The following CAGE1 variants were observed in gnomAD, a reference collection of about 807,000 sequenced individuals.
The protein encoded by CAGE1 is cancer antigen 1.
CAGE1 carries 66 observed loss-of-function variants against 94.9 expected under a neutral mutation model. The ratio of observed to expected loss-of-function variants is 0.70; its 90% confidence interval spans 0.57 to 0.85. The LOEUF (loss-of-function observed/expected upper bound fraction) is 0.85, where lower values mean the gene tolerates loss of function less well. CAGE1 is among the 40% of genes least tolerant of loss of function. The probability of loss-of-function intolerance (pLI) is 0.00; values close to 1 mark genes in which losing one functional copy is unlikely to be tolerated. For synonymous variants in CAGE1, 319 were observed against 321.0 expected, an observed-to-expected ratio of 0.99 and a Z score of 0.07; for missense variants, 865 against 950.4, an observed-to-expected ratio of 0.91 and a Z score of 1.18.
At chr6:7,361,288 A>C (rs1475843948) in intron 9 of CAGE1, among the ~76,000 whole-genome samples, 1 of 152,198 alleles carries the variant, frequency 6.6e-6, no homozygotes, top group Non-Finnish European at 1.5e-5. Flanking sequence ...GATTGTTGAG[A>C]GTCTAACACC....
chr6:7,348,893 C>A (rs1280382870), intron 11 of CAGE1, among the ~76,000 whole-genome samples: 4 of 152,260 alleles, frequency 2.6e-5, no homozygotes, highest in Non-Finnish European at 5.9e-5. Flanking sequence ...ATGAACAAAG[C>A]CTCCAAGAAG....
In CAGE1 at chr6:7,373,161, C is replaced by T; in HGVS notation, c.1658G>A (p.Arg553Lys). The change falls in exon 5 of 14, where the codon AGG becomes AAG. Residue 553 changes from arginine to lysine, a missense_variant. Coordinates refer to ENST00000502583, the MANE Select transcript of CAGE1 (RefSeq NM_001170692.2). ...AGGGACATAATTTTGCTCTTCACTC[C>T]TTGCAACCTGCTGTTTAAGTTTTGC... is the stretch of plus-strand genomic sequence containing the variant. ...ENAKLKQQVA[R>K]SEEQNYVPKF... 1 of 1,613,850 alleles carries T rather than the reference C, an allele frequency of 6.2e-7. No individual in the cohort carries two copies. Among genetic ancestry groups the T allele is most frequent in the Non-Finnish European group, 8.5e-7 (1 of 1,179,866 alleles).
intron 13 of CAGE1, among the ~76,000 whole-genome samples, chr6:7,328,877 T>A (rs1044484427): frequency 1.1e-4 from 2 of 18,412 alleles, no homozygotes; most frequent in African/African-American, 3.1e-4. Context: ...CTTATAAGTG[T>A]GTGTGTGTGT....
chr6:7,370,012 C>T lies in CAGE1; in HGVS notation c.1800G>A (p.Glu600=). The T allele has an allele frequency of 6.2e-7, 1 of 1,613,814 alleles. No homozygotes were observed. Among genetic ancestry groups the T allele is most frequent in the South Asian group, 1.1e-5 (1 of 91,056 alleles). The change falls in exon 6 of 14, where the codon GAG becomes GAA. Residue 600 remains glutamate, a synonymous_variant. Transcript: ENST00000502583. The part of the protein sequence containing the change: ...NLLPDCSPCE[E]RLNPADIKRA... ...TTTTTATATCTGCAGGATTCAGCCT[C>T]TCTTCACAAGGTGAGCAATCCGGGA...
At chr6:7,342,595 A>T (rs758828944) in intron 11 of CAGE1, among the ~76,000 whole-genome samples, 5 of 152,146 alleles carry the variant, frequency 3.3e-5, no homozygotes, top group Non-Finnish European at 7.3e-5. Flanking sequence ...CTAAAGCCTC[A>T]CTGAACAAAC....
chr6:7,345,767 C>A (rs1759476224), intron 11 of CAGE1, among the ~76,000 whole-genome samples: 1 of 151,438 alleles, frequency 6.6e-6, no homozygotes, highest in Non-Finnish European at 1.5e-5. Context: ...ACTAAAAATA[C>A]AAAAAAAATT....
chr6:7,328,926 A>ATTTTTTT (rs1324230400), intron 13 of CAGE1, among the ~76,000 whole-genome samples: 4 of 85,438 alleles, frequency 4.7e-5, no homozygotes, highest in Admixed American at 1.1e-4. Flanking sequence ...GTGTATATAT[A>ATTTTTTT]TATATATATT....
Position 7,339,692 on chromosome 6 carries a change from T to C in CAGE1, c.2370-5602A>G. On this transcript the variant is annotated intron_variant, in intron 11 of 13. Coordinates refer to ENST00000502583, the MANE Select transcript of CAGE1 (RefSeq NM_001170692.2). This position sits in a 1 kb window ranked among gnomAD's most constrained non-coding sequence, Gnocchi z 4.7. ...GTTTGGTTTTCCATTCCTGAGCTACTTCACTTAGAATAATGGTCTCCAATT... is the reference window on the plus strand; with the variant it reads ...GTTTGGTTTTCCATTCCTGAGCTACCTCACTTAGAATAATGGTCTCCAATT... 1 of 560,852 alleles carries C rather than the reference T, an allele frequency of 1.8e-6. No homozygotes were observed. Among genetic ancestry groups the C allele is most frequent in the South Asian group, 2.0e-5 (1 of 50,100 alleles). The allele number at this position is 560,852 out of a possible 1,614,324, so 34.7% of individuals were successfully genotyped here.
chr6:7,361,983 T>C (rs1760180239), intron 9 of CAGE1, among the ~76,000 whole-genome samples: 1 of 152,238 alleles, frequency 6.6e-6, no homozygotes, highest in South Asian at 2.1e-4. Flanking sequence ...CAAATCCAGA[T>C]ACAGGTGGGT....
At chr6:7,388,854 G>C (rs1761231404) in intron 1 of CAGE1, among the ~76,000 whole-genome samples, 1 of 152,100 alleles carries the variant, frequency 6.6e-6, no homozygotes, top group Non-Finnish European at 1.5e-5. Context: ...AAAAATTCTT[G>C]CTTTGTTTTC....
Position 7,373,762 on chromosome 6 carries a change from C to G in CAGE1, c.1057G>C (p.Val353Leu). 6.2e-7 allele frequency: 1 copy of G among 1,613,666 alleles called. No individual in the cohort carries two copies. Among genetic ancestry groups the G allele is most frequent in the Non-Finnish European group, 8.5e-7 (1 of 1,179,688 alleles). The change falls in exon 5 of 14, where the codon GTC becomes CTC. Residue 353 changes from valine to leucine, a missense_variant. By Grantham distance (32) the Val-to-Leu change is conservative. Transcript: ENST00000502583. ...KITKQQVFID[V>L]INKLKENVEE... ...ACATTCTCCTTTAGCTTATTGATGACATCAATGAACACTTGCTGTTTGGTA... is the reference window on the plus strand; with the variant it reads ...ACATTCTCCTTTAGCTTATTGATGAGATCAATGAACACTTGCTGTTTGGTA...
intron 1 of CAGE1, among the ~76,000 whole-genome samples, chr6:7,388,007 T>C (rs1050169067): frequency 7.8e-5 from 10 of 128,376 alleles, no homozygotes; most frequent in African/African-American, 2.7e-4. Flanking sequence ...CACTCCAGCC[T>C]GGGTGACAGA....
intron 12 of CAGE1, chr6:7,331,216 G>T: frequency 2.7e-6 from 1 of 365,466 alleles, no homozygotes. Flanking sequence ...ATAGTTTTTG[G>T]GGTCACGGTA....
intron 9 of CAGE1, among the ~76,000 whole-genome samples, chr6:7,365,169 C>G (rs1026269100): frequency 6.6e-6 from 1 of 152,170 alleles, no homozygotes; most frequent in South Asian, 2.1e-4. Context: ...GCAGCATATG[C>G]AACAGTATTA....
chr6:7,327,677 T>C (rs1758581652), intron 13 of CAGE1, among the ~76,000 whole-genome samples: 1 of 152,088 alleles, frequency 6.6e-6, no homozygotes, highest in South Asian at 2.1e-4. Context: ...ACGCCTGTAA[T>C]CCCAGCACTT....
At chr6:7,383,533 T>C (rs1302538670) in intron 3 of CAGE1, among the ~76,000 whole-genome samples, 1 of 152,228 alleles carries the variant, frequency 6.6e-6, no homozygotes. Flanking sequence ...CTTTTGGACT[T>C]TGTCTTTTAT....
At position 7,385,658 on chromosome 6, in the gene CAGE1, AT is replaced by A. The variant is rs147220799; in HGVS notation, c.283+126del. ...TTTTTAAAATTCTTATTTCAATAAG[AT>A]TTTTTTGTGGATTAAGTGTGATGAT... On this transcript the variant is annotated intron_variant, in intron 3 of 13. Transcript: ENST00000502583. The A allele has an allele frequency of 6.5e-3, 2,964 of 453,428 alleles. 35 individuals are homozygous for A. Among genetic ancestry groups the A allele is most frequent in the African/African-American group, 0.037 (1,828 of 49,216 alleles). 28.1% of individuals were successfully genotyped at this position (453,428 alleles called of 1,614,324 possible). A position where few individuals can be genotyped will look rare whatever the true frequency, so the allele number is the denominator to read the frequency against.
chr6:7,369,908 T>C lies in CAGE1; in HGVS notation c.1893+11A>G. 6.2e-7 allele frequency: 1 copy of C among 1,603,156 alleles called. No individual in the cohort carries two copies. The highest frequency in any genetic ancestry group is 8.5e-7 in the Non-Finnish European group (1 of 1,176,814). On this transcript the variant is annotated intron_variant, in intron 6 of 13. Transcript: ENST00000502583. ...CCCCTACTAAAATATCTAATATATATGTTTTATTACCTGGCATGTGAGAAG... is the reference window on the plus strand; with the variant it reads ...CCCCTACTAAAATATCTAATATATACGTTTTATTACCTGGCATGTGAGAAG...
intron 13 of CAGE1, among the ~76,000 whole-genome samples, chr6:7,327,439 G>A (rs558380925): frequency 6.6e-6 from 1 of 152,054 alleles, no homozygotes; most frequent in African/African-American, 2.4e-5. Flanking sequence ...CACCACACCT[G>A]GCCCCCAACA....
Sources: gnomAD v4.1 joint callset for allele counts (sites outside exome capture counted in the v4.1 genomes callset) on GRCh38, gnomAD v4.1.1 for gene constraint, Gnocchi (gnomAD v3.1) non-coding constraint, MANE v1.5 for transcripts, NCBI Gene and HGNC (gene_info 2026-07-23, HGNC 2026-07-21) for gene names.